Variants in SGCD observed in about 807,000 individuals in gnomAD.
SGCD encodes the protein delta-sarcoglycan.
In SGCD, 18 loss-of-function variants were observed where a neutral mutation model predicts 36.6. The ratio of observed to expected loss-of-function variants is 0.49; its 90% confidence interval spans 0.34 to 0.73. SGCD has a LOEUF of 0.73. Ranked by LOEUF, SGCD falls within the 30% of genes least tolerant of loss-of-function variation. The probability of loss-of-function intolerance (pLI) is 0.01; values close to 1 mark genes in which losing one functional copy is unlikely to be tolerated. For missense variants in SGCD, 387 were observed against 346.7 expected (o/e 1.12, Z -0.92); for synonymous variants, 133 against 130.6 (o/e 1.02, Z -0.12).
intron 3 of SGCD, among the ~76,000 whole-genome samples, chr5:156,261,511 G>A (rs889282494): frequency 6.6e-6 from 1 of 152,128 alleles, no homozygotes; most frequent in Non-Finnish European, 1.5e-5. Context: ...CGTGCTTGTG[G>A]GAATGCTGGT....
chr5:156,179,490 A>C (rs183902863), intron 3 of SGCD, among the ~76,000 whole-genome samples: 1 of 152,310 alleles, frequency 6.6e-6, no homozygotes, highest in East Asian at 1.9e-4. Flanking sequence ...ATATCACTTT[A>C]AGAAAATCTT....
chr5:155,954,510 C>A lies in SGCD; in HGVS notation c.-282+84086C>A, dbSNP rs1485673211. On this transcript the variant is annotated intron_variant, in intron 1 of 9. Transcript: ENST00000517913. Reference sequence around the variant, plus strand: ...CATGGGGTTAAAGCAATTCTTAGCACCCCATCTGTACAACAAGGATAAAAA... The same window carrying A: ...CATGGGGTTAAAGCAATTCTTAGCAACCCATCTGTACAACAAGGATAAAAA... 2.0e-5 allele frequency among the ~76,000 whole-genome samples: 3 copies of A among 151,642 alleles called. 1 individual carries two copies. Among genetic ancestry groups the A allele is most frequent in the African/African-American group, 2.4e-5 (1 of 41,448 alleles).
chr5:156,131,168 A>C (rs1178689700), intron 3 of SGCD, among the ~76,000 whole-genome samples: 4 of 152,238 alleles, frequency 2.6e-5, no homozygotes, highest in Non-Finnish European at 5.9e-5. Context: ...CATGGACCAT[A>C]ATATAAATTC....
intron 7 of SGCD, among the ~76,000 whole-genome samples, chr5:156,747,554 C>G (rs940765681): frequency 6.6e-6 from 1 of 152,128 alleles, no homozygotes; most frequent in Non-Finnish European, 1.5e-5. Context: ...TTTTCTTGGG[C>G]TCATGGCCTC....
intron 7 of SGCD, among the ~76,000 whole-genome samples, chr5:156,739,130 T>TAA (rs1197315591): frequency 1.3e-5 from 2 of 152,144 alleles, no homozygotes; most frequent in Non-Finnish European, 2.9e-5. Context: ...TTTTTTTTTC[T>TAA]AAGTTCAGTG....
intron 1 of SGCD, among the ~76,000 whole-genome samples, chr5:156,090,190 G>A (rs1259329377): frequency 6.6e-6 from 1 of 152,058 alleles, no homozygotes; most frequent in Non-Finnish European, 1.5e-5. Flanking sequence ...ATTCCCACTG[G>A]GTGTTTAATG....
intron 2 of SGCD, among the ~76,000 whole-genome samples, chr5:156,331,448 C>T (rs1468230831): frequency 1.3e-5 from 2 of 152,160 alleles, no homozygotes; most frequent in African/African-American, 4.8e-5. Context: ...ATTAATGGAG[C>T]TCAGGATGTG....
intron 4 of SGCD, among the ~76,000 whole-genome samples, chr5:156,584,600 G>A (rs1312242767): frequency 6.6e-6 from 1 of 152,036 alleles, no homozygotes; most frequent in Non-Finnish European, 1.5e-5. Context: ...ATGTCCACAA[G>A]AATTTGAGTA....
At chr5:156,236,668 T>C (rs756873133) in intron 3 of SGCD, among the ~76,000 whole-genome samples, 1 of 152,068 alleles carries the variant, frequency 6.6e-6, no homozygotes, top group African/African-American at 2.4e-5. Context: ...CAGGATGGTC[T>C]CGATCTCCTG....
At chr5:156,476,848 A>C (rs922614173) in intron 3 of SGCD, among the ~76,000 whole-genome samples, 1 of 152,178 alleles carries the variant, frequency 6.6e-6, no homozygotes, top group African/African-American at 2.4e-5. Context: ...ATACACCTCC[A>C]GTCTGGCTGA....
intron 3 of SGCD, among the ~76,000 whole-genome samples, chr5:156,266,794 G>A (rs766393722): frequency 1.2e-4 from 17 of 145,000 alleles, no homozygotes; most frequent in Non-Finnish European, 2.0e-4. Context: ...TTTTTTTTTG[G>A]TAGAATATCA....
chr5:156,505,369 T>G (rs998069123), intron 3 of SGCD, among the ~76,000 whole-genome samples: 1 of 152,234 alleles, frequency 6.6e-6, no homozygotes, highest in Non-Finnish European at 1.5e-5. Context: ...ATCCACAGGC[T>G]GAAGTGCATT....
chr5:156,463,723 G>A (rs566797819), intron 3 of SGCD, among the ~76,000 whole-genome samples: 18 of 152,232 alleles, frequency 1.2e-4, no homozygotes, highest in African/African-American at 3.6e-4. Flanking sequence ...GGCCAGGTGC[G>A]GTGGTGCGTG....
chr5:156,684,435 A>G (rs765750586), intron 7 of SGCD, among the ~76,000 whole-genome samples: 7 of 152,198 alleles, frequency 4.6e-5, no homozygotes, highest in South Asian at 2.1e-4. Context: ...GATTCCAGCT[A>G]TGGTGAATTA....
At chr5:155,740,254 A>T in the SGCD span, among the ~76,000 whole-genome samples, 39 of 152,210 alleles carry the variant, frequency 2.6e-4, no homozygotes, top group African/African-American at 9.2e-4. Flanking sequence ...AGAAGCCAGC[A>T]TGCCCTGCCT....
the SGCD span, among the ~76,000 whole-genome samples, chr5:155,736,756 A>C: frequency 0.045 from 6,907 of 152,220 alleles, 333 homozygotes; most frequent in African/African-American, 0.12. Flanking sequence ...AGTATCCACT[A>C]TGTGCCAACA....
chr5:156,622,201 G>A (rs1327761085), intron 6 of SGCD, among the ~76,000 whole-genome samples: 1 of 152,082 alleles, frequency 6.6e-6, no homozygotes, highest in East Asian at 1.9e-4. Flanking sequence ...GAGAGACCAA[G>A]GCAGGTGGAT....
chr5:156,384,057 G>T (rs1771140222), intron 3 of SGCD, among the ~76,000 whole-genome samples: 1 of 152,140 alleles, frequency 6.6e-6, no homozygotes. Context: ...TACATGTTTA[G>T]TTGCCGAGGT....
intron 1 of SGCD, among the ~76,000 whole-genome samples, chr5:155,923,152 A>C (rs1756923109): frequency 6.6e-6 from 1 of 151,998 alleles, no homozygotes; most frequent in Non-Finnish European, 1.5e-5. Flanking sequence ...GCTACAGGAA[A>C]ATATGAAGAG....
Sources: allele counts gnomAD v4.1 joint callset (sites outside exome capture counted in the v4.1 genomes callset), GRCh38; gene constraint gnomAD v4.1.1; transcripts MANE v1.5; gene names NCBI Gene and HGNC (gene_info 2026-07-23, HGNC 2026-07-21).